Variants in PCDHB3 observed in about 807,000 individuals in gnomAD.
The protein encoded by PCDHB3 is protocadherin beta-3.
For missense variants in PCDHB3, 967 were observed against 1,012.1 expected (o/e 0.96, Z 0.60); for synonymous variants, 479 against 456.0 (o/e 1.05, Z -0.64).
rs1752004145 is a variant in PCDHB3 at position 141,103,073 on chromosome 5, G to T, written c.*33G>T. The T allele has an allele frequency of 6.4e-7, 1 of 1,567,602 alleles. No individual in the cohort carries two copies. The highest frequency in any genetic ancestry group is 8.6e-7 in the Non-Finnish European group (1 of 1,158,118). On this transcript the variant is annotated 3_prime_UTR_variant, in exon 1 of 1. Coordinates refer to ENST00000231130, the MANE Select transcript of PCDHB3 (RefSeq NM_018937.5). The stretch of plus-strand genomic sequence containing the variant: ...TAAGGATCTACTGAGCCTCGTCTTA[G>T]TTAATCTGTGGAAAGTCCTTTTTTA...
In PCDHB3 at chr5:141,102,916, C is replaced by T. The variant is rs375622036; in HGVS notation, c.2267C>T (p.Thr756Ile). The stretch of plus-strand genomic sequence containing the variant: ...AGCTACCAGTACGAGGTGTGTCTGA[C>T]TGGAGGCTCCGGGACAAATGAGTTC... ...SQSYQYEVCL[T>I]GGSGTNEFKF... Residue 756 changes from threonine to isoleucine, a missense_variant, in exon 1 of 1, where the codon ACT becomes ATT. Thr to Ile is a moderately conservative substitution (Grantham distance 89). Coordinates refer to ENST00000231130, the MANE Select transcript of PCDHB3 (RefSeq NM_018937.5). The T allele has an allele frequency of 2.5e-5, 40 of 1,613,260 alleles. No individual in the cohort carries two copies. The African/African-American group carries it at 4.9e-4, about 20-fold the overall frequency.
Position 141,102,690 on chromosome 5 carries a change from G to A in PCDHB3, c.2041G>A (p.Ala681Thr). 1 of 1,611,676 alleles carries A rather than the reference G, an allele frequency of 6.2e-7. No homozygotes were observed. ...LPLPEAAPAQ[A>T]QADLLTVYLV... is the part of the protein sequence containing the mutation. ...TCTCCCGGAGGCGGCACCGGCCCAG[G>A]CCCAGGCCGACTTGCTCACCGTCTA... Residue 681 changes from alanine to threonine, a missense_variant, in exon 1 of 1, where the codon GCC becomes ACC. Ala to Thr is a moderately conservative substitution (Grantham distance 58). Coordinates refer to ENST00000231130, the MANE Select transcript of PCDHB3 (RefSeq NM_018937.5).
Position 141,102,061 on chromosome 5 carries a change from G to T in PCDHB3, c.1412G>T (p.Gly471Val), listed in dbSNP as rs1277529632. 1 of 1,612,860 alleles carries T rather than the reference G, an allele frequency of 6.2e-7. No individual in the cohort carries two copies. ...RENNSPALHI[G>V]SVSATDRDSG... ...AACAACAGCCCCGCCCTGCACATCG[G>T]CAGTGTCAGCGCCACAGACAGAGAC... The change falls in exon 1 of 1, where the codon GGC becomes GTC. Residue 471 changes from glycine (G) to valine (V), a missense_variant. Transcript: ENST00000231130.
At position 141,100,773 on chromosome 5, in the gene PCDHB3, G is replaced by A. The variant is rs1751917129; in HGVS notation, c.124G>A (p.Gly42Ser). 2.5e-6 allele frequency: 4 copies of A among 1,614,100 alleles called. No individual in the cohort carries two copies. Among genetic ancestry groups the A allele is most frequent in the Non-Finnish European group, 3.4e-6 (4 of 1,180,024 alleles). The change falls in exon 1 of 1, where the codon GGC (glycine) becomes AGC (serine). Residue 42 changes from glycine (G) to serine (S), a missense_variant. Gly to Ser is a moderately conservative substitution (Grantham distance 56). Coordinates refer to ENST00000231130, the MANE Select transcript of PCDHB3 (RefSeq NM_018937.5). Reference protein sequence around the residue: ...RYSVAEEKEKGFLIANLAKDL... With the variant: ...RYSVAEEKEKSFLIANLAKDL... ...TTCTGTGGCTGAGGAAAAAGAGAAGGGCTTTTTAATAGCCAACCTAGCAAA... is the reference window on the plus strand; with the variant it reads ...TTCTGTGGCTGAGGAAAAAGAGAAGAGCTTTTTAATAGCCAACCTAGCAAA...
At position 141,101,245 on chromosome 5, in the gene PCDHB3, C is replaced by T; in HGVS notation, c.596C>T (p.Ala199Val). 6.2e-7 allele frequency: 1 copy of T among 1,614,146 alleles called. No homozygotes were observed. Among genetic ancestry groups the T allele is most frequent in the Non-Finnish European group, 8.5e-7 (1 of 1,180,036 alleles). Reference protein sequence around the residue: ...RKYPELVLDKALDPEEQPELS... With the variant: ...RKYPELVLDKVLDPEEQPELS... ...TACCCGGAACTAGTACTGGATAAAGCGCTCGATCCGGAGGAGCAGCCGGAA... is the reference window on the plus strand; with the variant it reads ...TACCCGGAACTAGTACTGGATAAAGTGCTCGATCCGGAGGAGCAGCCGGAA... Residue 199 changes from alanine to valine, a missense_variant, in exon 1 of 1, where the codon GCG becomes GTG. Ala to Val is a moderately conservative substitution (Grantham distance 64). Transcript: ENST00000231130.
rs564746714 is a variant in PCDHB3 at position 141,101,311 on chromosome 5, C to G, written c.662C>G (p.Pro221Arg). The G allele has an allele frequency of 8.7e-6, 14 of 1,614,150 alleles. No individual in the cohort carries two copies. The East Asian group carries it at 2.7e-4, about 31-fold the overall frequency. The change falls in exon 1 of 1, where the codon CCT becomes CGT. Residue 221 changes from proline (P) to arginine (R), a missense_variant. Coordinates refer to ENST00000231130, the MANE Select transcript of PCDHB3 (RefSeq NM_018937.5). ...ACCGCGCTGGACGGCGGCTCTCCCCCTCGGTCTGGGACAGCCCAGATAAAC... is the reference window on the plus strand; with the variant it reads ...ACCGCGCTGGACGGCGGCTCTCCCCGTCGGTCTGGGACAGCCCAGATAAAC... ...TLTALDGGSPPRSGTAQINIQ... is the reference protein window; with the variant it reads ...TLTALDGGSPRRSGTAQINIQ...
In PCDHB3 at chr5:141,101,882, A is replaced by C. The variant is rs1751953359; in HGVS notation, c.1233A>C (p.Arg411Ser). Reference sequence around the variant, plus strand: ...TAGTGTCAGAAGGCGCGCTGGACAGAGAGACCAGATCCGAGTACAACATTA... The same window carrying C: ...TAGTGTCAGAAGGCGCGCTGGACAGCGAGACCAGATCCGAGTACAACATTA... ...YTLVSEGALD[R>S]ETRSEYNITI... The change falls in exon 1 of 1, where the codon AGA (arginine) becomes AGC (serine). Residue 411 changes from arginine to serine, a missense_variant. Coordinates refer to ENST00000231130, the MANE Select transcript of PCDHB3 (RefSeq NM_018937.5). The C allele has an allele frequency of 6.2e-7, 1 of 1,614,104 alleles. No homozygotes were observed. The highest frequency in any genetic ancestry group is 1.3e-5 in the African/African-American group (1 of 74,930).
rs781795273 is a variant in PCDHB3, at chr5:141,101,627, C to T, written c.978C>T (p.Gly326=). ...ACATCGAGGCCAAGGATGGCGGAGGCCTATCCGGAAAGTCTACAGTCATAG... is the reference window on the plus strand; with the variant it reads ...ACATCGAGGCCAAGGATGGCGGAGGTCTATCCGGAAAGTCTACAGTCATAG... The part of the protein sequence containing the change: ...EVDIEAKDGG[G]LSGKSTVIVQ... Residue 326 remains glycine (G), a synonymous_variant, in exon 1 of 1, where the codon GGC becomes GGT. Coordinates refer to ENST00000231130, the MANE Select transcript of PCDHB3 (RefSeq NM_018937.5). 6.2e-7 allele frequency: 1 copy of T among 1,613,918 alleles called. No individual in the cohort carries two copies. The highest frequency in any genetic ancestry group is 1.3e-5 in the African/African-American group (1 of 74,894).
Position 141,101,594 on chromosome 5 carries a change from T to C in PCDHB3, c.945T>C (p.Tyr315=), listed in dbSNP as rs1429601861. The change falls in exon 1 of 1, where the codon TAT becomes TAC. Residue 315 remains tyrosine, a synonymous_variant. Coordinates refer to ENST00000231130, the MANE Select transcript of PCDHB3 (RefSeq NM_018937.5). ...TGAATTTTGAAGCGATTAATAGTTA[T>C]GAAGTCGACATCGAGGCCAAGGATG... The part of the protein sequence containing the change: ...KYLNFEAINS[Y]EVDIEAKDGG... The C allele has an allele frequency of 3.7e-6, 6 of 1,614,058 alleles. No individual in the cohort carries two copies. In the Admixed American group the frequency reaches 8.3e-5, roughly 22 times the overall value.
chr5:141,103,304 T>C lies in PCDHB3; in HGVS notation c.*264T>C. 1 of 344,464 alleles carries C rather than the reference T, an allele frequency of 2.9e-6. No individual in the cohort carries two copies. The highest frequency in any genetic ancestry group is 5.2e-6 in the Non-Finnish European group (1 of 193,406). The allele number at this position is 344,464 out of a possible 1,614,324, so 21.3% of individuals were successfully genotyped here. ...ATATTGATTCTACTTTTTCTGTAGT[T>C]AATCCTTGCATATTCTCCTTTCATC... On this transcript the variant is annotated 3_prime_UTR_variant, in exon 1 of 1. Transcript: ENST00000231130.
Position 141,102,108 on chromosome 5 carries a change from A to G in PCDHB3, c.1459A>G (p.Thr487Ala). ...AGACTCAGGCACCAACGCCCAGGTA[A>G]CCTACTCGCTGCTGCCGCCCCAGGA... The part of the protein sequence containing the change: ...DRDSGTNAQV[T>A]YSLLPPQDPH... The change falls in exon 1 of 1, where the codon ACC (threonine) becomes GCC (alanine). Residue 487 changes from threonine (T) to alanine (A), a missense_variant. Coordinates refer to ENST00000231130, the MANE Select transcript of PCDHB3 (RefSeq NM_018937.5). 6.2e-7 allele frequency: 1 copy of G among 1,612,788 alleles called. No homozygotes were observed. The highest frequency in any genetic ancestry group is 1.1e-5 in the South Asian group (1 of 91,020).
chr5:141,103,384 A>C lies in PCDHB3; in HGVS notation c.*344A>C, dbSNP rs1236316714. ...CTTTTTTTTTTCTAATGGGGAGCAA[A>C]AAGAAATTCACTGTCTTTTAATAGT... On this transcript the variant is annotated 3_prime_UTR_variant, in exon 1 of 1. Coordinates refer to ENST00000231130, the MANE Select transcript of PCDHB3 (RefSeq NM_018937.5). 5.2e-6 allele frequency: 1 copy of C among 193,440 alleles called. No homozygotes were observed. The highest frequency in any genetic ancestry group is 1.3e-4 in the East Asian group (1 of 7,868). The allele number at this position is 193,440 out of a possible 1,614,324, so 12.0% of individuals were successfully genotyped here. A position where few individuals can be genotyped will look rare whatever the true frequency, so the allele number is the denominator to read the frequency against.
rs1751942536 is a variant in PCDHB3, at chr5:141,101,556, C to T, written c.907C>T (p.Leu303=). The change falls in exon 1 of 1, where the codon CTG becomes TTG. Residue 303 remains leucine (L), a synonymous_variant. Transcript: ENST00000231130. ...QLNPITGDMQ[L]VKYLNFEAIN... is the part of the protein sequence containing the mutation. ...AAATCCAATTACTGGTGATATGCAACTGGTCAAATATTTGAATTTTGAAGC... is the reference window on the plus strand; with the variant it reads ...AAATCCAATTACTGGTGATATGCAATTGGTCAAATATTTGAATTTTGAAGC... 3 of 1,614,136 alleles carry T rather than the reference C, an allele frequency of 1.9e-6. No individual in the cohort carries two copies. Among genetic ancestry groups the T allele is most frequent in the Non-Finnish European group, 2.5e-6 (3 of 1,180,010 alleles).
Position 141,101,671 on chromosome 5 carries a change from A to G in PCDHB3, c.1022A>G (p.Asn341Ser), listed in dbSNP as rs374951350. The change falls in exon 1 of 1, where the codon AAC (asparagine) becomes AGC (serine). Residue 341 changes from asparagine to serine, a missense_variant. Transcript: ENST00000231130. The part of the protein sequence containing the change: ...STVIVQVVDV[N>S]DNPPELTLSS... ...GTCATAGTCCAGGTGGTTGATGTCA[A>G]CGACAACCCACCGGAACTGACCTTG... is the stretch of plus-strand genomic sequence containing the variant. 1.4e-5 allele frequency: 22 copies of G among 1,613,894 alleles called. No homozygotes were observed. Among genetic ancestry groups the G allele is most frequent in the Non-Finnish European group, 1.7e-5 (20 of 1,180,030 alleles).
At position 141,103,381 on chromosome 5, in the gene PCDHB3, C is replaced by G. The variant is rs537116833; in HGVS notation, c.*341C>G. ...CGCCTTTTTTTTTTCTAATGGGGAG[C>G]AAAAAGAAATTCACTGTCTTTTAAT... On this transcript the variant is annotated 3_prime_UTR_variant, in exon 1 of 1. Coordinates refer to ENST00000231130, the MANE Select transcript of PCDHB3 (RefSeq NM_018937.5). 1.6e-4 allele frequency: 31 copies of G among 194,698 alleles called. No homozygotes were observed. The highest frequency in any genetic ancestry group is 2.2e-4 in the Non-Finnish European group (21 of 96,256). The allele number at this position is 194,698 out of a possible 1,614,324, so 12.1% of individuals were successfully genotyped here.
chr5:141,102,986 A>C lies in PCDHB3; in HGVS notation c.2337A>C (p.Ala779=), dbSNP rs202187198. The change falls in exon 1 of 1, where the codon GCA becomes GCC. Residue 779 remains alanine, a synonymous_variant. Coordinates refer to ENST00000231130, the MANE Select transcript of PCDHB3 (RefSeq NM_018937.5). ...PIIPNFVAQG[A]ERVSEANPSF... ...TCCCCAACTTCGTTGCTCAGGGTGC[A>C]GAGAGGGTTAGCGAGGCAAATCCCA... 55 of 1,603,802 alleles carry C rather than the reference A, an allele frequency of 3.4e-5. No homozygotes were observed. The highest frequency in any genetic ancestry group is 5.1e-5 in the Admixed American group (3 of 59,220).
In PCDHB3 at chr5:141,100,608, C is replaced by T; in HGVS notation, c.-42C>T. ...CTGTTTCCCAGCTCTGTCTGAGGTT[C>T]AGCTTGGCGACATTCCCTGGAAGAG... On this transcript the variant is annotated 5_prime_UTR_variant, in exon 1 of 1. Coordinates refer to ENST00000231130, the MANE Select transcript of PCDHB3 (RefSeq NM_018937.5). 3.5e-6 allele frequency: 5 copies of T among 1,437,534 alleles called. No individual in the cohort carries two copies. Among genetic ancestry groups the T allele is most frequent in the South Asian group, 2.6e-5 (2 of 77,240 alleles). 89.0% of individuals were successfully genotyped at this position (1,437,534 alleles called of 1,614,324 possible).
In PCDHB3 at chr5:141,100,906, T is replaced by G; in HGVS notation, c.257T>G (p.Leu86Arg). Residue 86 changes from leucine to arginine, a missense_variant, in exon 1 of 1, where the codon CTG (leucine) becomes CGG (arginine). Transcript: ENST00000231130. ...AGTCATCAGACAGGTGATTTGCTCC[T>G]GAATGAGAAATTGGACCGGGAGGAG... is the stretch of plus-strand genomic sequence containing the variant. ...QLSHQTGDLL[L>R]NEKLDREELC... The G allele has an allele frequency of 6.2e-7, 1 of 1,614,104 alleles. No homozygotes were observed. The highest frequency in any genetic ancestry group is 8.5e-7 in the Non-Finnish European group (1 of 1,180,026).
chr5:141,101,885 G>T lies in PCDHB3; in HGVS notation c.1236G>T (p.Glu412Asp). The T allele has an allele frequency of 6.2e-7, 1 of 1,614,182 alleles. No homozygotes were observed. The highest frequency in any genetic ancestry group is 8.5e-7 in the Non-Finnish European group (1 of 1,180,030). The stretch of plus-strand genomic sequence containing the variant: ...TGTCAGAAGGCGCGCTGGACAGAGA[G>T]ACCAGATCCGAGTACAACATTACCA... The part of the protein sequence containing the change: ...TLVSEGALDR[E>D]TRSEYNITIT... The change falls in exon 1 of 1, where the codon GAG becomes GAT. Residue 412 changes from glutamate (E) to aspartate (D), a missense_variant. Coordinates refer to ENST00000231130, the MANE Select transcript of PCDHB3 (RefSeq NM_018937.5).
Sources: allele counts gnomAD v4.1 joint callset, GRCh38; gene constraint gnomAD v4.1.1; transcripts MANE v1.5; gene names NCBI Gene and HGNC (gene_info 2026-07-23, HGNC 2026-07-21).